Variants in BICD1 observed in about 807,000 individuals in gnomAD.
BICD1 encodes the protein protein bicaudal D homolog 1.
Under a neutral mutation model 92.5 loss-of-function variants are expected in BICD1, and 35 were observed. The observed-to-expected ratio is 0.38, with a 90% confidence interval of 0.29 to 0.50. The LOEUF (loss-of-function observed/expected upper bound fraction) is 0.50, where lower values mean the gene tolerates loss of function less well. BICD1 is among the 20% of genes least tolerant of loss of function. The pLI, the probability that BICD1 is intolerant of heterozygous loss-of-function variation, is 0.93. For synonymous variants in BICD1, 429 were observed against 465.1 expected (o/e 0.92, Z 1.00); for missense variants, 950 against 1,189.8 (o/e 0.80, Z 2.97).
At chr12:32,283,142 T>A (rs1947465394) in intron 2 of BICD1, among the ~76,000 whole-genome samples, 1 of 80,040 alleles carries the variant, frequency 1.2e-5, no homozygotes, top group African/African-American at 4.4e-5. Flanking sequence ...ATGGACTGAC[T>A]GTAGGAAGAG....
chr12:32,243,276 TTTTTTTTTTGTA>T (rs1946284856), intron 2 of BICD1, among the ~76,000 whole-genome samples: 1 of 136,464 alleles, frequency 7.3e-6, no homozygotes, highest in African/African-American at 2.8e-5. Flanking sequence ...TTTTTTTTTT[TTTTTTTTTTGTA>T]TTTTTGGTAG....
Position 32,107,683 on chromosome 12 carries a change from GATT to G in BICD1, c.213+140_213+142del, listed in dbSNP as rs1272064789. 3 of 943,942 alleles carry G rather than the reference GATT, an allele frequency of 3.2e-6. No individual in the cohort carries two copies. The Admixed American group carries it at 6.0e-5, about 19-fold the overall frequency. 58.5% of individuals were successfully genotyped at this position (943,942 alleles called of 1,614,324 possible). A position where few individuals can be genotyped will look rare whatever the true frequency, so the allele number is the denominator to read the frequency against. On this transcript the variant is annotated intron_variant, in intron 1 of 9. Transcript: ENST00000652176. ...CTAGGGCCCTTTGTTGGTAAGAGAA[GATT>G]GAAAGAGTCCATTGTTTCCTCCCCC... is the stretch of plus-strand genomic sequence containing the variant.
intron 1 of BICD1, among the ~76,000 whole-genome samples, chr12:32,194,131 T>C (rs562575882): frequency 6.6e-6 from 1 of 152,304 alleles, no homozygotes; most frequent in South Asian, 2.1e-4. Context: ...GCAGAAAAAG[T>C]ATTTGACAAT....
At chr12:32,250,793 C>G (rs905082033) in intron 2 of BICD1, among the ~76,000 whole-genome samples, 41 of 152,016 alleles carry the variant, frequency 2.7e-4, no homozygotes, top group Non-Finnish European at 1.5e-5. Flanking sequence ...CCAGCCTAGA[C>G]AACATGGATA....
intron 2 of BICD1, among the ~76,000 whole-genome samples, chr12:32,271,913 C>T (rs1252908802): frequency 2.0e-5 from 3 of 152,154 alleles, no homozygotes; most frequent in Admixed American, 6.5e-5. Context: ...GAAAGGAGCT[C>T]ATACTTAAGG....
At chr12:32,227,614 C>A in intron 2 of BICD1, 1 of 158,590 alleles carries the variant, frequency 6.3e-6, no homozygotes, top group South Asian at 1.9e-4. Context: ...TCCCATAGCT[C>A]CATCCATCAT....
intron 1 of BICD1, among the ~76,000 whole-genome samples, chr12:32,128,359 C>A (rs2683470): frequency 0.29 from 44,029 of 152,110 alleles, 6,619 homozygotes; most frequent in Admixed American, 0.43. Flanking sequence ...AATATTGCCT[C>A]TAGTGCTGAA....
intron 2 of BICD1, among the ~76,000 whole-genome samples, chr12:32,291,970 G>T (rs1379512679): frequency 3.3e-5 from 5 of 152,208 alleles, no homozygotes; most frequent in Admixed American, 2.0e-4. Context: ...AGTGCTTGCA[G>T]ATGTCACCCT....
chr12:32,187,864 GA>G (rs1290831509), intron 1 of BICD1, among the ~76,000 whole-genome samples: 4 of 152,068 alleles, frequency 2.6e-5, no homozygotes. Flanking sequence ...ATGTACCCCT[GA>G]ATCTAAATTT....
At chr12:32,197,225 T>C (rs1053358377) in intron 1 of BICD1, among the ~76,000 whole-genome samples, 1 of 152,086 alleles carries the variant, frequency 6.6e-6, no homozygotes, top group Non-Finnish European at 1.5e-5. Flanking sequence ...GCCAGGCTGG[T>C]CTTGAACTCC....
At position 32,275,721 on chromosome 12, in the gene BICD1, G is replaced by C. The variant is rs792858; in HGVS notation, c.427-18273G>C. Among the ~76,000 whole-genome samples, 113 of 150,724 alleles carry C rather than the reference G, an allele frequency of 7.5e-4. No individual in the cohort carries two copies. The East Asian group carries it at 8.7e-3, about 12-fold the overall frequency. ...CGCTGACTCCCATCCCTCCAGATCC[G>C]GCAGGGTGTCCGCTGTGCTCCTGAT... On this transcript the variant is annotated intron_variant, in intron 2 of 9. Transcript: ENST00000652176.
chr12:32,191,217 A>T (rs1476707166), intron 1 of BICD1, among the ~76,000 whole-genome samples: 1 of 152,216 alleles, frequency 6.6e-6, no homozygotes, highest in Non-Finnish European at 1.5e-5. Flanking sequence ...AGAAGGAGAC[A>T]AAGATTGGAG....
intron 1 of BICD1, among the ~76,000 whole-genome samples, chr12:32,117,501 G>C (rs1941957438): frequency 6.6e-6 from 1 of 151,864 alleles, no homozygotes; most frequent in South Asian, 2.1e-4. Context: ...GAAAACTAAT[G>C]GGTAATATAA....
intron 4 of BICD1, among the ~76,000 whole-genome samples, chr12:32,326,080 C>CAAAAAAA (rs372956491): frequency 7.5e-5 from 5 of 66,436 alleles, no homozygotes; most frequent in Non-Finnish European, 1.4e-4. Context: ...GACTCCATCT[C>CAAAAAAA]AAAAAAAAAA....
intron 1 of BICD1, among the ~76,000 whole-genome samples, chr12:32,123,113 G>C (rs1167115968): frequency 1.3e-5 from 2 of 152,068 alleles, no homozygotes; most frequent in Admixed American, 6.6e-5. Context: ...AAAATGCTAT[G>C]GGGGGAAAAA....
chr12:32,228,070 G>T, intron 2 of BICD1: 2 of 243,704 alleles, frequency 8.2e-6, no homozygotes, highest in Non-Finnish European at 8.9e-6. Context: ...TTGAATGTAA[G>T]TTCCACATGG....
At chr12:32,257,962 ATAGT>A (rs1357494830) in intron 2 of BICD1, among the ~76,000 whole-genome samples, 5 of 152,204 alleles carry the variant, frequency 3.3e-5, no homozygotes, top group African/African-American at 9.7e-5. Flanking sequence ...TCAGTTTCAG[ATAGT>A]TAGCTATTAT....
At chr12:32,246,310 G>GAAAA (rs398055471) in intron 2 of BICD1, among the ~76,000 whole-genome samples, 66 of 101,990 alleles carry the variant, frequency 6.5e-4, no homozygotes, top group Admixed American at 1.8e-3. Context: ...AACCCATCAG[G>GAAAA]AAAAAAAAAA....
chr12:32,340,581 A>C lies in BICD1; in HGVS notation c.2764+1602A>C. On this transcript the variant is annotated intron_variant, in intron 8 of 9. Coordinates refer to ENST00000652176, the MANE Select transcript of BICD1 (RefSeq NM_001714.4). ...AAAAAGATAACATCTCAATAAGGTT[A>C]AAAATTAATAATCAATGTTAACAAC... 5 of 809,648 alleles carry C rather than the reference A, an allele frequency of 6.2e-6. No homozygotes were observed. The South Asian group carries it at 2.8e-4, about 46-fold the overall frequency. The allele number at this position is 809,648 out of a possible 1,614,324, so 50.2% of individuals were successfully genotyped here.
Sources: allele counts gnomAD v4.1 joint callset (sites outside exome capture counted in the v4.1 genomes callset), GRCh38; gene constraint gnomAD v4.1.1; transcripts MANE v1.5; gene names NCBI Gene and HGNC (gene_info 2026-07-23, HGNC 2026-07-21).